Variants in AGAP1 observed in about 807,000 individuals in gnomAD.
The protein encoded by AGAP1 is ArfGAP with GTPase domain, ankyrin repeat and PH domain 1.
A neutral mutation model predicts 105.3 loss-of-function variants in AGAP1; 29 were observed. The observed-to-expected ratio is 0.28, with a 90% confidence interval of 0.21 to 0.38. The LOEUF is 0.38. AGAP1 is among the 10% of genes least tolerant of loss of function. The pLI is 1.00. For missense variants in AGAP1, 998 were observed against 1,165.1 expected (o/e 0.86, Z 2.09); for synonymous variants, 509 against 485.9 (o/e 1.05, Z -0.63).
At chr2:235,715,511 G>A (rs190687482) in intron 2 of AGAP1, among the ~76,000 whole-genome samples, 5 of 152,312 alleles carry the variant, frequency 3.3e-5, no homozygotes, top group African/African-American at 7.2e-5. Flanking sequence ...GTGTTCTTGC[G>A]GCAAGTTCAT....
chr2:235,720,564 C>T lies in AGAP1; in HGVS notation c.310+2920C>T. 1.5e-6 allele frequency: 1 copy of T among 650,788 alleles called. No individual in the cohort carries two copies. Among genetic ancestry groups the T allele is most frequent in the Middle Eastern group, 7.6e-4 (1 of 1,316 alleles). 40.3% of individuals were successfully genotyped at this position (650,788 alleles called of 1,614,324 possible). On this transcript the variant is annotated intron_variant, in intron 3 of 17. Transcript: ENST00000304032. The surrounding 1 kb of genome is among the most constrained non-coding windows in gnomAD (Gnocchi z 5.0). The stretch of plus-strand genomic sequence containing the variant: ...GTGTACTGCTGCCTTCTCATCAGAC[C>T]TCCTTTCCTCTTACAACTGCTAGAG...
In AGAP1 at chr2:235,747,447, G is replaced by A. The variant is rs1953050277; in HGVS notation, c.538+2608G>A. On this transcript the variant is annotated intron_variant, in intron 5 of 17. Transcript: ENST00000304032. This position sits in a 1 kb window ranked among gnomAD's most constrained non-coding sequence, Gnocchi z 5.0. ...TAAGTCAGCCCCACACCCTCCCGGGGTGAACAGGTAAGCTGGCCCCACGCC... is the reference window on the plus strand; with the variant it reads ...TAAGTCAGCCCCACACCCTCCCGGGATGAACAGGTAAGCTGGCCCCACGCC... Among the ~76,000 whole-genome samples the A allele has an allele frequency of 1.3e-5, 2 of 152,092 alleles. No homozygotes were observed. The highest frequency in any genetic ancestry group is 6.5e-5 in the Admixed American group (1 of 15,274).
At chr2:236,102,557 C>T (rs539825955) in intron 16 of AGAP1, among the ~76,000 whole-genome samples, 2 of 150,656 alleles carry the variant, frequency 1.3e-5, no homozygotes, top group African/African-American at 4.9e-5. Context: ...CATTGCACTC[C>T]AGCCTGGGCG....
intron 1 of AGAP1, among the ~76,000 whole-genome samples, chr2:235,687,863 T>A (rs1476911652): frequency 6.6e-6 from 1 of 151,316 alleles, no homozygotes; most frequent in East Asian, 1.9e-4. Flanking sequence ...TTTTTCTTTT[T>A]TTTTTGGATT....
chr2:235,780,342 T>C (rs924657123), intron 6 of AGAP1, among the ~76,000 whole-genome samples: 1 of 152,214 alleles, frequency 6.6e-6, no homozygotes, highest in Non-Finnish European at 1.5e-5. Flanking sequence ...GAAAATTGGA[T>C]TCTGCCCATA....
At position 235,889,694 on chromosome 2, in the gene AGAP1, A is replaced by T. The variant is rs939332635; in HGVS notation, c.1155+6245A>T. Among the ~76,000 whole-genome samples, 5 of 151,722 alleles carry T rather than the reference A, an allele frequency of 3.3e-5. No homozygotes were observed. The highest frequency in any genetic ancestry group is 5.9e-5 in the Non-Finnish European group (4 of 67,946). ...TAAGCTAAATCTACATACCCTTCCTACACCACAGATAGAAGATATGGAGGG... is the reference window on the plus strand; with the variant it reads ...TAAGCTAAATCTACATACCCTTCCTTCACCACAGATAGAAGATATGGAGGG... On this transcript the variant is annotated intron_variant, in intron 10 of 17. Transcript: ENST00000304032. The surrounding 1 kb of genome is among the most constrained non-coding windows in gnomAD (Gnocchi z 4.6).
chr2:235,630,675 C>T (rs1417760127), intron 1 of AGAP1, among the ~76,000 whole-genome samples: 2 of 152,150 alleles, frequency 1.3e-5, no homozygotes, highest in Non-Finnish European at 2.9e-5. Flanking sequence ...CTGATGTGTG[C>T]CTCAGTTCTC....
At position 235,552,803 on chromosome 2, in the gene AGAP1, G is replaced by C. The variant is rs1943855434; in HGVS notation, c.163+57954G>C. Among the ~76,000 whole-genome samples, 1 of 152,228 alleles carries C rather than the reference G, an allele frequency of 6.6e-6. No homozygotes were observed. Among genetic ancestry groups the C allele is most frequent in the Non-Finnish European group, 1.5e-5 (1 of 68,034 alleles). ...CAGAAAGCCAGCTGCAGAATGCAGTGCCTGACAGAGTGTGATGGGCCCCAT... is the reference window on the plus strand; with the variant it reads ...CAGAAAGCCAGCTGCAGAATGCAGTCCCTGACAGAGTGTGATGGGCCCCAT... On this transcript the variant is annotated intron_variant, in intron 1 of 17. Transcript: ENST00000304032. The surrounding 1 kb of genome is among the most constrained non-coding windows in gnomAD (Gnocchi z 5.9).
intron 1 of AGAP1, among the ~76,000 whole-genome samples, chr2:235,595,844 G>A (rs1312208866): frequency 6.6e-6 from 1 of 152,154 alleles, no homozygotes; most frequent in African/African-American, 2.4e-5. Context: ...AAAATTATAC[G>A]TTTACTTGCC....
chr2:235,767,393 C>T (rs940729200), intron 6 of AGAP1, among the ~76,000 whole-genome samples: 7 of 152,188 alleles, frequency 4.6e-5, no homozygotes, highest in Non-Finnish European at 8.8e-5. Flanking sequence ...AGCGAGCACC[C>T]GGGCCAAGCG....
At chr2:236,103,203 C>T (rs1250647758) in intron 16 of AGAP1, among the ~76,000 whole-genome samples, 1 of 152,184 alleles carries the variant, frequency 6.6e-6, no homozygotes, top group Non-Finnish European at 1.5e-5. Flanking sequence ...CATCCTCCGG[C>T]CTCACCTCCG....
In AGAP1 at chr2:236,083,335, C is replaced by T. The variant is rs1197390876; in HGVS notation, c.2114+34054C>T. Among the ~76,000 whole-genome samples, 3 of 152,204 alleles carry T rather than the reference C, an allele frequency of 2.0e-5. No individual in the cohort carries two copies. Among genetic ancestry groups the T allele is most frequent in the Admixed American group, 6.5e-5 (1 of 15,278 alleles). ...TGTTGCAAGGAAGCGTCGTCCTCCT[C>T]ACGGGCTCTTTACGTTGACATTGTG... On this transcript the variant is annotated intron_variant, in intron 16 of 17. Coordinates refer to ENST00000304032, the MANE Select transcript of AGAP1 (RefSeq NM_001037131.3). This position sits in a 1 kb window ranked among gnomAD's most constrained non-coding sequence, Gnocchi z 5.3.
chr2:235,992,002 T>G lies in AGAP1; in HGVS notation c.1645+23379T>G, dbSNP rs1337793583. Among the ~76,000 whole-genome samples the G allele has an allele frequency of 6.6e-6, 1 of 152,222 alleles. No individual in the cohort carries two copies. The highest frequency in any genetic ancestry group is 1.5e-5 in the Non-Finnish European group (1 of 68,034). On this transcript the variant is annotated intron_variant, in intron 13 of 17. Transcript: ENST00000304032. This position sits in a 1 kb window ranked among gnomAD's most constrained non-coding sequence, Gnocchi z 4.8. ...ATCCAGCCTCACAAATGTCCACATT[T>G]CTCTCTCATCTGTGAAGGCCCGTTG...
intron 13 of AGAP1, among the ~76,000 whole-genome samples, chr2:236,004,516 G>A (rs1226093874): frequency 6.6e-6 from 1 of 152,224 alleles, no homozygotes; most frequent in Non-Finnish European, 1.5e-5. Flanking sequence ...TTCTGCGTCT[G>A]TGTGGAAACA....
At chr2:235,711,465 G>A (rs1159441013) in intron 2 of AGAP1, among the ~76,000 whole-genome samples, 1 of 152,256 alleles carries the variant, frequency 6.6e-6, no homozygotes, top group East Asian at 1.9e-4. Flanking sequence ...CAGAGCTGTA[G>A]GAGACAGTTG....
Position 236,036,843 on chromosome 2 carries a change from G to A in AGAP1, c.1800+128G>A, listed in dbSNP as rs2057398125. 7.2e-7 allele frequency: 1 copy of A among 1,394,886 alleles called. No homozygotes were observed. The highest frequency in any genetic ancestry group is 1.4e-5 in the African/African-American group (1 of 68,996). 86.4% of individuals were successfully genotyped at this position (1,394,886 alleles called of 1,614,324 possible). On this transcript the variant is annotated intron_variant, in intron 14 of 17. Coordinates refer to ENST00000304032, the MANE Select transcript of AGAP1 (RefSeq NM_001037131.3). The surrounding 1 kb of genome is among the most constrained non-coding windows in gnomAD (Gnocchi z 5.7). The stretch of plus-strand genomic sequence containing the variant: ...GACAGGACCTAGCTATTCTTTATGA[G>A]CAGAAAGCTCAATAACTAAAACGAT...
Position 235,709,189 on chromosome 2 carries a change from G to T in AGAP1, c.174G>T (p.Val58=), listed in dbSNP as rs1206416090. Residue 58 remains valine (V), a synonymous_variant, in exon 2 of 18, where the codon GTG becomes GTT. Coordinates refer to ENST00000304032, the MANE Select transcript of AGAP1 (RefSeq NM_001037131.3). ...EHVIAIEDAF[V]NSQEWTLSRS... Reference sequence around the variant, plus strand: ...CCTCCTCTTTTTCAGATGCCTTCGTGAACAGCCAGGAATGGACGCTGAGTC... The same window carrying T: ...CCTCCTCTTTTTCAGATGCCTTCGTTAACAGCCAGGAATGGACGCTGAGTC... 6 of 1,613,984 alleles carry T rather than the reference G, an allele frequency of 3.7e-6. No homozygotes were observed. Among genetic ancestry groups the T allele is most frequent in the Non-Finnish European group, 5.1e-6 (6 of 1,180,028 alleles).
rs1463778276 is a variant in AGAP1, at chr2:235,725,277, C to T, written c.310+7633C>T. ...GGTAGTAAATGTGTTCTCAGGAGCA[C>T]GTGTATCTTAAATATGTTTTAACGA... On this transcript the variant is annotated intron_variant, in intron 3 of 17. Coordinates refer to ENST00000304032, the MANE Select transcript of AGAP1 (RefSeq NM_001037131.3). This position sits in a 1 kb window ranked among gnomAD's most constrained non-coding sequence, Gnocchi z 5.7. Among the ~76,000 whole-genome samples, 3 of 152,140 alleles carry T rather than the reference C, an allele frequency of 2.0e-5. No homozygotes were observed. The highest frequency in any genetic ancestry group is 6.5e-5 in the Admixed American group (1 of 15,288).
intron 13 of AGAP1, among the ~76,000 whole-genome samples, chr2:236,021,712 G>A (rs2056889379): frequency 6.6e-6 from 1 of 152,036 alleles, no homozygotes; most frequent in Admixed American, 6.5e-5. Flanking sequence ...TTTGCGGTCA[G>A]ATAACTATTT....
Sources: gnomAD v4.1 joint callset for allele counts (sites outside exome capture counted in the v4.1 genomes callset) on GRCh38, gnomAD v4.1.1 for gene constraint, Gnocchi (gnomAD v3.1) non-coding constraint, MANE v1.5 for transcripts, NCBI Gene and HGNC (gene_info 2026-07-23, HGNC 2026-07-21) for gene names.